SHANK2: variants seen among roughly 807,000 people sequenced by gnomAD.
The protein encoded by SHANK2 is SH3 and multiple ankyrin repeat domains 2.
SHANK2 carries 43 observed loss-of-function variants against 133.7 expected under a neutral mutation model. The observed-to-expected ratio is 0.32, with a 90% CI of 0.25 to 0.41. The LOEUF (loss-of-function observed/expected upper bound fraction) is 0.41. Among genes scored for constraint, SHANK2 ranks in the 10% least tolerant of loss-of-function variants. The pLI is 1.00. For synonymous variants in SHANK2, 1,017 were observed against 952.8 expected (o/e 1.07, Z -1.24); for missense variants, 1,994 against 2,235.8 (o/e 0.89, Z 2.18).
intron 11 of SHANK2, among the ~76,000 whole-genome samples, chr11:70,828,720 A>G (rs1462895389): frequency 1.3e-5 from 2 of 152,104 alleles, no homozygotes; most frequent in African/African-American, 4.8e-5. Flanking sequence ...TGAGACGGGG[A>G]TGCCACCGTG....
In SHANK2 at chr11:70,914,717, T is replaced by TAAAATAAAATAAAATAAAATAAAAC. The variant is rs1489678395; in HGVS notation, c.1108-18151_1108-18150insGTTTTATTTTATTTTATTTTATTTT. Among the ~76,000 whole-genome samples the TAAAATAAAATAAAATAAAATAAAAC allele has an allele frequency of 2.2e-3, 320 of 145,440 alleles. 2 individuals carry two copies. Among genetic ancestry groups the TAAAATAAAATAAAATAAAATAAAAC allele is most frequent in the African/African-American group, 6.6e-3 (251 of 38,114 alleles). On this transcript the variant is annotated intron_variant, in intron 10 of 25. Coordinates refer to ENST00000601538, the MANE Select transcript of SHANK2 (RefSeq NM_012309.5). Reference sequence around the variant, plus strand: ...TAAAATAAAATAAAATAAAATAAAATAAAACAAAACAAAACAAAGTAAAAT... The same window carrying TAAAATAAAATAAAATAAAATAAAAC: ...TAAAATAAAATAAAATAAAATAAAATAAAATAAAATAAAATAAAATAAAACAAAACAAAACAAAACAAAGTAAAAT...
chr11:70,951,918 G>C (rs932807055), intron 10 of SHANK2, among the ~76,000 whole-genome samples: 30 of 152,320 alleles, frequency 2.0e-4, no homozygotes, highest in African/African-American at 7.0e-4. Context: ...CTTTTCTTAA[G>C]AGGACATCTT....
At chr11:70,672,416 T>C (rs1320935183) in intron 15 of SHANK2, among the ~76,000 whole-genome samples, 4 of 152,190 alleles carry the variant, frequency 2.6e-5, no homozygotes, top group African/African-American at 9.6e-5. Flanking sequence ...GCTAAGACCT[T>C]TTGTGATCTG....
chr11:71,198,098 A>G (rs1221630568), intron 2 of SHANK2, among the ~76,000 whole-genome samples: 1 of 151,806 alleles, frequency 6.6e-6, no homozygotes, highest in Non-Finnish European at 1.5e-5. Flanking sequence ...TTGAGTTTGC[A>G]TTTTTGCCTT....
chr11:70,561,015 CCA>C (rs1195809220), intron 17 of SHANK2, among the ~76,000 whole-genome samples: 1 of 152,104 alleles, frequency 6.6e-6, no homozygotes, highest in African/African-American at 2.4e-5. Context: ...AGAGATAGCC[CCA>C]CACACACACG....
At chr11:71,251,710 C>G (rs1272865163) in intron 1 of SHANK2, among the ~76,000 whole-genome samples, 1 of 151,006 alleles carries the variant, frequency 6.6e-6, no homozygotes, top group African/African-American at 2.4e-5. Context: ...CACGGCGGGC[C>G]GGGGTCGGGC....
At chr11:71,225,003 C>T (rs79185598) in intron 1 of SHANK2, among the ~76,000 whole-genome samples, 2,717 of 152,296 alleles carry the variant, frequency 0.018, 46 homozygotes, top group Non-Finnish European at 0.029. Flanking sequence ...ACAAACCTAA[C>T]ACTCTGCAAG....
chr11:70,756,693 G>A (rs1344742345), intron 14 of SHANK2, among the ~76,000 whole-genome samples: 1 of 152,118 alleles, frequency 6.6e-6, no homozygotes, highest in Non-Finnish European at 1.5e-5. Flanking sequence ...GCAGGGCCTC[G>A]GCTGCACACT....
intron 17 of SHANK2, among the ~76,000 whole-genome samples, chr11:70,641,622 G>A (rs1052823172): frequency 1.1e-4 from 16 of 152,336 alleles, no homozygotes; most frequent in Admixed American, 3.3e-4. Flanking sequence ...GGCCGAGCCC[G>A]GTGACCTGGG....
chr11:70,645,430 A>C (rs185404544), intron 17 of SHANK2, among the ~76,000 whole-genome samples: 1 of 152,230 alleles, frequency 6.6e-6, no homozygotes, highest in East Asian at 1.9e-4. Flanking sequence ...AAAACAAAAA[A>C]CAAAAAACTG....
chr11:71,211,811 C>T (rs1954289120), intron 2 of SHANK2, among the ~76,000 whole-genome samples: 1 of 151,886 alleles, frequency 6.6e-6, no homozygotes, highest in African/African-American at 2.4e-5. Flanking sequence ...TGAGTCAATT[C>T]TCTTTCATTC....
At chr11:71,249,533 G>A (rs782782631) in intron 1 of SHANK2, among the ~76,000 whole-genome samples, 8 of 152,162 alleles carry the variant, frequency 5.3e-5, no homozygotes, top group Non-Finnish European at 1.0e-4. Context: ...TGAAAGCTCC[G>A]GCTTGAGTTT....
At chr11:70,835,857 C>T (rs1347203570) in intron 11 of SHANK2, among the ~76,000 whole-genome samples, 1 of 152,142 alleles carries the variant, frequency 6.6e-6, no homozygotes, top group Non-Finnish European at 1.5e-5. Flanking sequence ...ACAGGCTAGA[C>T]AAACCCAGGC....
intron 9 of SHANK2, among the ~76,000 whole-genome samples, chr11:71,065,001 C>T (rs1951030956): frequency 6.6e-6 from 1 of 152,108 alleles, no homozygotes; most frequent in Non-Finnish European, 1.5e-5. Flanking sequence ...TCGGGAGTCA[C>T]TGCAGGAGGG....
At chr11:71,066,567 G>A (rs1184214895) in intron 9 of SHANK2, among the ~76,000 whole-genome samples, 3 of 152,120 alleles carry the variant, frequency 2.0e-5, no homozygotes, top group Non-Finnish European at 4.4e-5. Flanking sequence ...ATGTTAACTC[G>A]GAAGCTCCAG....
chr11:70,726,406 C>T (rs1054200706), intron 14 of SHANK2, among the ~76,000 whole-genome samples: 1 of 143,422 alleles, frequency 7.0e-6, no homozygotes, highest in Non-Finnish European at 1.5e-5. Flanking sequence ...GCTCACATGC[C>T]AGGCTCTGGT....
At chr11:70,671,924 C>T (rs1555016150) in intron 15 of SHANK2, among the ~76,000 whole-genome samples, 2 of 152,170 alleles carry the variant, frequency 1.3e-5, no homozygotes, top group African/African-American at 2.4e-5. Context: ...AACCTGTCTG[C>T]AAGTACCATG....
intron 8 of SHANK2, among the ~76,000 whole-genome samples, chr11:71,086,459 T>C (rs1248294889): frequency 1.5e-5 from 2 of 135,862 alleles, no homozygotes; most frequent in East Asian, 4.2e-4. Context: ...ATATTATATA[T>C]AATTATGTAA....
At chr11:70,721,262 C>T (rs1415822929) in intron 14 of SHANK2, among the ~76,000 whole-genome samples, 1 of 152,246 alleles carries the variant, frequency 6.6e-6, no homozygotes, top group Non-Finnish European at 1.5e-5. Flanking sequence ...GAGGGTTTCC[C>T]TCAGGGACTG....
Sources: gnomAD v4.1 joint callset for allele counts (sites outside exome capture counted in the v4.1 genomes callset) on GRCh38, gnomAD v4.1.1 for gene constraint, MANE v1.5 for transcripts, NCBI Gene and HGNC (gene_info 2026-07-23, HGNC 2026-07-21) for gene names.